Variants in TM9SF4 observed in about 807,000 individuals in gnomAD.
The protein encoded by TM9SF4 is dinucleotide oxidase disulfide thiol exchanger 3 superfamily member 4.
In TM9SF4, 26 loss-of-function variants were observed where a neutral mutation model predicts 90.4. The ratio of observed to expected loss-of-function variants is 0.29; its 90% CI spans 0.21 to 0.40. TM9SF4 has a LOEUF of 0.40. Ranked by LOEUF, TM9SF4 falls within the 10% of genes least tolerant of loss-of-function variation. TM9SF4 has a pLI of 1.00. For missense variants in TM9SF4, 549 were observed against 834.8 expected, an observed-to-expected ratio of 0.66 and a Z score of 4.22; for synonymous variants, 293 against 315.4, an observed-to-expected ratio of 0.93 and a Z score of 0.75.
chr20:32,157,614 C>G (rs2046947177), intron 13 of TM9SF4, among the ~76,000 whole-genome samples, 180 bp from the exon 14 acceptor site: 1 of 152,212 alleles, frequency 6.6e-6, no homozygotes, highest in African/African-American at 2.4e-5. Flanking sequence ...GAGTCCAGAT[C>G]AGGGCTGGGG....
At position 32,119,869 on chromosome 20, in the gene TM9SF4, C is replaced by T. The variant is rs541358472; in HGVS notation, c.15+10114C>T. The stretch of plus-strand genomic sequence containing the variant: ...TGTGTATGTTCTGAGGTTCCATGTG[C>T]ATATGGCTACCCAGTGGTCCAAGCA... On this transcript the variant is annotated intron_variant, in intron 1 of 17. Coordinates refer to ENST00000398022, the MANE Select transcript of TM9SF4 (RefSeq NM_014742.4). 7.2e-5 allele frequency among the ~76,000 whole-genome samples: 11 copies of T among 152,236 alleles called. No individual in the cohort carries two copies. In the South Asian group the frequency reaches 2.3e-3, roughly 32 times the overall value.
At chr20:32,156,429 C>T (rs2122461040) in intron 13 of TM9SF4, among the ~76,000 whole-genome samples, 1 of 152,192 alleles carries the variant, frequency 6.6e-6, no homozygotes, top group Admixed American at 6.5e-5. Context: ...TTCCAGGACC[C>T]CTGAAGATAC....
chr20:32,117,285 A>G (rs962317726), intron 1 of TM9SF4, among the ~76,000 whole-genome samples: 4 of 151,272 alleles, frequency 2.6e-5, no homozygotes, highest in Non-Finnish European at 5.9e-5. Flanking sequence ...AATCTAGTCT[A>G]TTGCTAAGGA....
chr20:32,140,679 C>T (rs2046659575), intron 3 of TM9SF4, among the ~76,000 whole-genome samples: 1 of 152,178 alleles, frequency 6.6e-6, no homozygotes, highest in African/African-American at 2.4e-5. Context: ...GACATTGAGG[C>T]TCAGTGAGAT....
intron 17 of TM9SF4, among the ~76,000 whole-genome samples, chr20:32,161,884 A>C (rs1483766430): frequency 6.6e-6 from 1 of 152,198 alleles, no homozygotes; most frequent in Non-Finnish European, 1.5e-5. Flanking sequence ...CTGCAGAGTA[A>C]GGAGAGGATG....
At chr20:32,158,397 G>A in intron 14 of TM9SF4, 54 bp from the exon 15 acceptor site, 1 of 1,581,744 alleles carries the variant, frequency 6.3e-7, no homozygotes, top group Non-Finnish European at 8.7e-7. Context: ...GAAGGAGCTT[G>A]GGGCTTCCTG....
Position 32,155,173 on chromosome 20 carries a change from A to G in TM9SF4, c.1316A>G (p.His439Arg). ...TTGAATTGCTTCATTTGGGGAAAGCACTCATCAGGAGCGGTAAGTGCCTCC... is the reference window on the plus strand; with the variant it reads ...TTGAATTGCTTCATTTGGGGAAAGCGCTCATCAGGAGCGGTAAGTGCCTCC... ...FVLNCFIWGK[H>R]SSGAVPFPTM... Residue 439 changes from histidine (H) to arginine (R), a missense_variant, in exon 13 of 18, where the codon CAC becomes CGC. By Grantham distance (29) the His-to-Arg change is conservative. Coordinates refer to ENST00000398022, the MANE Select transcript of TM9SF4 (RefSeq NM_014742.4). 2.5e-6 allele frequency: 4 copies of G among 1,613,950 alleles called. No individual in the cohort carries two copies. The highest frequency in any genetic ancestry group is 3.4e-6 in the Non-Finnish European group (4 of 1,179,938).
At chr20:32,153,439 C>T (rs2046871659) in intron 12 of TM9SF4, among the ~76,000 whole-genome samples, 1 of 152,192 alleles carries the variant, frequency 6.6e-6, no homozygotes, top group African/African-American at 2.4e-5. Context: ...AGTCCCTGGC[C>T]TGGTGATCAG....
In TM9SF4 at chr20:32,164,807, AG is replaced by A. The variant is rs2047076654; in HGVS notation, c.1780-486del. 2.0e-5 allele frequency among the ~76,000 whole-genome samples: 3 copies of A among 152,194 alleles called. No homozygotes were observed. The South Asian group carries it at 6.2e-4, about 32-fold the overall frequency. On this transcript the variant is annotated intron_variant, in intron 17 of 17. Transcript: ENST00000398022. ...CCTCTAAACTCTACCCCAGTTAAAAAGGAGTCCAAAATGCTCCAAGATCAAA... is the reference window on the plus strand; with the variant it reads ...CCTCTAAACTCTACCCCAGTTAAAAAGAGTCCAAAATGCTCCAAGATCAAA...
intron 1 of TM9SF4, among the ~76,000 whole-genome samples, chr20:32,126,481 A>G (rs1378246494): frequency 6.6e-6 from 1 of 152,066 alleles, no homozygotes; most frequent in Non-Finnish European, 1.5e-5. Flanking sequence ...GTTTCAGGGT[A>G]GACTTAAGTT....
intron 17 of TM9SF4, among the ~76,000 whole-genome samples, chr20:32,164,203 G>A (rs563003386): frequency 7.4e-5 from 6 of 81,324 alleles, no homozygotes; most frequent in Admixed American, 5.3e-4. Flanking sequence ...CCCCTCCCCC[G>A]ACCACCAGCC....
chr20:32,144,707 C>A (rs1248340698), intron 6 of TM9SF4, among the ~76,000 whole-genome samples: 1 of 152,120 alleles, frequency 6.6e-6, no homozygotes, highest in African/African-American at 2.4e-5. Flanking sequence ...GCCAGGAGTT[C>A]AAGACCAGCC....
intron 1 of TM9SF4, among the ~76,000 whole-genome samples, chr20:32,126,625 A>C (rs6142616): frequency 6.6e-6 from 1 of 151,918 alleles, no homozygotes; most frequent in Non-Finnish European, 1.5e-5. Context: ...CTGATGGCTC[A>C]TCTGTGTCTC....
intron 1 of TM9SF4, among the ~76,000 whole-genome samples, chr20:32,115,807 C>CTTTTTTTTTTTT (rs386393622): frequency 7.4e-5 from 7 of 95,166 alleles, no homozygotes; most frequent in African/African-American, 1.4e-4. Flanking sequence ...CCACTTTAAG[C>CTTTTTTTTTTTT]TTTTTTTTTT....
At chr20:32,145,460 G>C (rs745519189) in intron 8 of TM9SF4, 37 bp downstream of exon 8, 1 of 1,584,438 alleles carries the variant, frequency 6.3e-7, no homozygotes, top group African/African-American at 1.3e-5. Context: ...GGGGATGGGG[G>C]TTGGGGTTGA....
intron 9 of TM9SF4, among the ~76,000 whole-genome samples, chr20:32,147,731 C>G (rs980038825): frequency 6.6e-6 from 1 of 151,566 alleles, no homozygotes; most frequent in African/African-American, 2.4e-5. Flanking sequence ...CATGCACCTG[C>G]AATCCCAGCT....
chr20:32,160,194 G>T, intron 16 of TM9SF4, 83 bp downstream of exon 16: 1 of 1,581,288 alleles, frequency 6.3e-7, no homozygotes. Context: ...CGGAGAGGCT[G>T]GGTCTGGGCT....
chr20:32,122,457 C>T (rs2046336102), intron 1 of TM9SF4, among the ~76,000 whole-genome samples: 1 of 150,090 alleles, frequency 6.7e-6, no homozygotes, highest in Admixed American at 6.6e-5. Flanking sequence ...TACGGGGCGG[C>T]TGCCGGGCGG....
chr20:32,158,628 C>T (rs1338279885), intron 15 of TM9SF4, 114 bp downstream of exon 15: 4 of 1,006,908 alleles, frequency 4.0e-6, no homozygotes, highest in Non-Finnish European at 6.1e-6. Flanking sequence ...CACTTCACCT[C>T]TCGGAGCCCC....
Sources: allele counts gnomAD v4.1 joint callset (sites outside exome capture counted in the v4.1 genomes callset), GRCh38; gene constraint gnomAD v4.1.1; transcripts MANE v1.5; gene names NCBI Gene and HGNC (gene_info 2026-07-23, HGNC 2026-07-21).